AKAP6: variants seen among roughly 807,000 people sequenced by gnomAD.
The protein encoded by AKAP6 is A-kinase anchor protein 6.
A neutral mutation model predicts 188.5 loss-of-function variants in AKAP6; 58 were observed. The ratio of observed to expected loss-of-function variants is 0.31; its 90% CI spans 0.25 to 0.38. The LOEUF (loss-of-function observed/expected upper bound fraction) is 0.38. Among genes scored for constraint, AKAP6 ranks in the 10% least tolerant of loss-of-function variants. The pLI, the probability that AKAP6 is intolerant of heterozygous loss-of-function variation, is 1.00. For synonymous variants in AKAP6, 989 were observed against 998.6 expected, an observed-to-expected ratio of 0.99 and a Z score of 0.18; for missense variants, 2,710 against 2,740.0, an observed-to-expected ratio of 0.99 and a Z score of 0.24.
intron 11 of AKAP6, among the ~76,000 whole-genome samples, chr14:32,756,889 C>A (rs79172176): frequency 6.6e-6 from 1 of 152,044 alleles, no homozygotes; most frequent in Non-Finnish European, 1.5e-5. Flanking sequence ...TGAAGTTGCA[C>A]GTGCTGACCT....
At chr14:32,764,695 TACACACACAC>T (rs34290753) in intron 11 of AKAP6, among the ~76,000 whole-genome samples, 1 of 148,358 alleles carries the variant, frequency 6.7e-6, no homozygotes, top group Non-Finnish European at 1.5e-5. Flanking sequence ...ATGACAATAA[TACACACACAC>T]ACACACACAC....
intron 5 of AKAP6, among the ~76,000 whole-genome samples, chr14:32,591,650 T>C (rs77839548): frequency 0.062 from 1,031 of 16,688 alleles, 5 homozygotes; most frequent in East Asian, 0.23. Flanking sequence ...TGTCTTCTCT[T>C]TTTTTTTTTT....
intron 2 of AKAP6, among the ~76,000 whole-genome samples, chr14:32,499,320 T>C: frequency 1.1e-5 from 1 of 89,562 alleles, no homozygotes; most frequent in East Asian, 3.1e-4. Flanking sequence ...AAAAAATAAG[T>C]GTAACAGCAA....
At chr14:32,348,858 A>AT (rs371797857) in intron 1 of AKAP6, among the ~76,000 whole-genome samples, 1 of 152,162 alleles carries the variant, frequency 6.6e-6, no homozygotes, top group African/African-American at 2.4e-5. Flanking sequence ...GTGGCCCTAA[A>AT]TTTTTTACTT....
chr14:32,562,429 C>T (rs1009084684), intron 4 of AKAP6, among the ~76,000 whole-genome samples: 27 of 152,094 alleles, frequency 1.8e-4, no homozygotes, highest in African/African-American at 6.3e-4. Flanking sequence ...GATTTATTTT[C>T]TATAGCATAG....
chr14:32,695,744 A>G (rs1890376737), intron 8 of AKAP6, among the ~76,000 whole-genome samples: 1 of 152,146 alleles, frequency 6.6e-6, no homozygotes, highest in African/African-American at 2.4e-5. Context: ...GCAAATGGAA[A>G]TAGCCATAAC....
chr14:32,601,794 C>G (rs538680474), intron 7 of AKAP6, among the ~76,000 whole-genome samples: 1 of 152,220 alleles, frequency 6.6e-6, no homozygotes, highest in African/African-American at 2.4e-5. Context: ...ATACTTTGCC[C>G]TCTTAGACTC....
In AKAP6 at chr14:32,698,090, C is replaced by T. The variant is rs117674549; in HGVS notation, c.3000+1980C>T. ...AGAAAATGCTGCTAGTCTGTAGGGT[C>T]TTTCTTTATGTGCACTCCCAAATTA... On this transcript the variant is annotated intron_variant, in intron 9 of 13. Coordinates refer to ENST00000280979, the MANE Select transcript of AKAP6 (RefSeq NM_004274.5). 6.7e-3 allele frequency among the ~76,000 whole-genome samples: 1,022 copies of T among 152,204 alleles called. 6 individuals are homozygous for T. The highest frequency in any genetic ancestry group is 0.011 in the Non-Finnish European group (738 of 67,984).
intron 7 of AKAP6, among the ~76,000 whole-genome samples, chr14:32,602,197 G>T (rs1195557669): frequency 1.3e-5 from 2 of 152,308 alleles, no homozygotes; most frequent in East Asian, 3.9e-4. Flanking sequence ...CTTTGGCTGT[G>T]TGTGGAAGTA....
In AKAP6 at chr14:32,822,125, G is replaced by T; in HGVS notation, c.4312G>T (p.Gly1438Ter). The change falls in exon 13 of 14, where the codon GGA becomes TGA. Residue 1438 changes from glycine (G) to a stop codon, truncating the protein, a stop_gained. Coordinates refer to ENST00000280979, the MANE Select transcript of AKAP6 (RefSeq NM_004274.5). LOFTEE classifies it high-confidence loss of function. ...CATTTCACCAGTGGGTTGTGTAAAT[G>T]GAAAAGTTGGAGATTTAAACAGTAT... ...SSISPVGCVNGKVGDLNSITK... is the reference protein window; with the variant it reads ...SSISPVGCVN 6.2e-7 allele frequency: 1 copy of T among 1,613,844 alleles called. No homozygotes were observed. The highest frequency in any genetic ancestry group is 8.5e-7 in the Non-Finnish European group (1 of 1,179,918).
At chr14:32,592,720 C>T (rs750224467) in intron 5 of AKAP6, among the ~76,000 whole-genome samples, 1 of 152,130 alleles carries the variant, frequency 6.6e-6, no homozygotes, top group Non-Finnish European at 1.5e-5. Flanking sequence ...AAGCCACTTG[C>T]ATTATTGCAG....
At chr14:32,563,994 A>C (rs896986617) in intron 4 of AKAP6, among the ~76,000 whole-genome samples, 1 of 152,186 alleles carries the variant, frequency 6.6e-6, no homozygotes, top group Admixed American at 6.5e-5. Flanking sequence ...GATTCGTTCC[A>C]AGACCCCCTG....
At chr14:32,428,418 GTACTCTATAC>G (rs1330878702) in intron 1 of AKAP6, among the ~76,000 whole-genome samples, 1 of 151,956 alleles carries the variant, frequency 6.6e-6, no homozygotes. Flanking sequence ...TATGAAGCTG[GTACTCTATAC>G]TGGCACCAGT....
chr14:32,816,507 T>C (rs1470961538), intron 12 of AKAP6, among the ~76,000 whole-genome samples: 2 of 152,174 alleles, frequency 1.3e-5, no homozygotes, highest in African/African-American at 2.4e-5. Context: ...GCTTTTGTTT[T>C]TGTTTTTATA....
chr14:32,549,166 G>A (rs1883340794), intron 4 of AKAP6, among the ~76,000 whole-genome samples: 1 of 152,152 alleles, frequency 6.6e-6, no homozygotes, highest in Non-Finnish European at 1.5e-5. Flanking sequence ...TGAGGAGACA[G>A]GCTGAGAGAG....
At chr14:32,669,956 G>C (rs1360136912) in intron 7 of AKAP6, among the ~76,000 whole-genome samples, 10 of 152,068 alleles carry the variant, frequency 6.6e-5, no homozygotes, top group Admixed American at 6.6e-4. Flanking sequence ...ACTTAGCTGG[G>C]TATGGTGGCG....
intron 5 of AKAP6, among the ~76,000 whole-genome samples, chr14:32,596,334 T>A (rs1398806942): frequency 2.0e-5 from 3 of 152,226 alleles, no homozygotes; most frequent in Non-Finnish European, 4.4e-5. Flanking sequence ...AATCTGATCA[T>A]GACCAAAGTA....
At chr14:32,827,439 G>A (rs538668191) in intron 13 of AKAP6, among the ~76,000 whole-genome samples, 3 of 151,664 alleles carry the variant, frequency 2.0e-5, no homozygotes, top group Non-Finnish European at 4.4e-5. Context: ...AGCAGATAGA[G>A]TCTGCAACAG....
intron 7 of AKAP6, among the ~76,000 whole-genome samples, chr14:32,657,417 G>A (rs376817214): frequency 1.6e-4 from 25 of 152,256 alleles, no homozygotes; most frequent in South Asian, 8.3e-4. Context: ...AAATCTGTGA[G>A]TGCTGCTCCC....
Sources: gnomAD v4.1 joint callset for allele counts (sites outside exome capture counted in the v4.1 genomes callset) on GRCh38, gnomAD v4.1.1 for gene constraint, MANE v1.5 for transcripts, NCBI Gene and HGNC (gene_info 2026-07-23, HGNC 2026-07-21) for gene names.